Variants in PLXNA4 observed in about 807,000 individuals in gnomAD.
The protein encoded by PLXNA4 is plexin A4.
A neutral mutation model predicts 191.8 loss-of-function variants in PLXNA4; 44 were observed. That is an observed-to-expected ratio of 0.23 (90% CI 0.18 to 0.29). The LOEUF is 0.29. Among genes scored for constraint, PLXNA4 ranks in the 10% least tolerant of loss-of-function variants. The pLI is 1.00. For missense variants in PLXNA4, 1,800 were observed against 2,488.8 expected (o/e 0.72, Z 5.89); for synonymous variants, 1,082 against 1,009.5 (o/e 1.07, Z -1.36).
chr7:132,333,106 C>T lies in PLXNA4; in HGVS notation c.1372-34884G>A, dbSNP rs77775150. 1.6e-3 allele frequency among the ~76,000 whole-genome samples: 248 copies of T among 152,314 alleles called. 2 individuals carry two copies. Among genetic ancestry groups the T allele is most frequent in the African/African-American group, 5.9e-3 (245 of 41,558 alleles). On this transcript the variant is annotated intron_variant, in intron 3 of 31. Coordinates refer to ENST00000321063, the MANE Select transcript of PLXNA4 (RefSeq NM_020911.2). The stretch of plus-strand genomic sequence containing the variant: ...TAAAAGTCACTGGGTGAGATGCACT[C>T]CAAAGGACATTCCTGGTTTCTGATG...
chr7:132,457,525 G>A (rs1284859264), intron 3 of PLXNA4, among the ~76,000 whole-genome samples: 2 of 152,310 alleles, frequency 1.3e-5, no homozygotes, highest in South Asian at 4.1e-4. Context: ...GGATGACATG[G>A]TGAAAGTGGA....
chr7:132,224,430 G>A (rs951576750), intron 8 of PLXNA4, among the ~76,000 whole-genome samples: 2 of 152,012 alleles, frequency 1.3e-5, no homozygotes, highest in Non-Finnish European at 2.9e-5. Context: ...GACATCTCTC[G>A]GACAGTCCTG....
At chr7:132,426,817 C>A (rs887320143) in intron 3 of PLXNA4, among the ~76,000 whole-genome samples, 1 of 152,164 alleles carries the variant, frequency 6.6e-6, no homozygotes. Context: ...CAACATTACT[C>A]AATAAATTCA....
intron 3 of PLXNA4, among the ~76,000 whole-genome samples, chr7:132,361,670 G>A (rs1407724942): frequency 6.6e-6 from 1 of 152,196 alleles, no homozygotes; most frequent in African/African-American, 2.4e-5. Context: ...CCAGAAATTT[G>A]TTTAACAGAA....
intron 1 of PLXNA4, among the ~76,000 whole-genome samples, chr7:132,529,157 C>A (rs904154233): frequency 4.6e-5 from 7 of 152,326 alleles, no homozygotes; most frequent in African/African-American, 1.7e-4. Flanking sequence ...TCCATAATAA[C>A]CCCACCCTGG....
intron 9 of PLXNA4, among the ~76,000 whole-genome samples, chr7:132,216,423 AG>A (rs984615605): frequency 3.0e-4 from 45 of 152,138 alleles, no homozygotes; most frequent in Admixed American, 1.3e-3. Flanking sequence ...GGCATGGGGG[AG>A]GTGGGCCTCC....
At chr7:132,165,089 G>C in intron 23 of PLXNA4, 45 bp downstream of exon 23, 1 of 1,599,838 alleles carries the variant, frequency 6.3e-7, no homozygotes, top group Non-Finnish European at 8.5e-7. Context: ...AGGCTGCAGA[G>C]AATGAACGAG....
At chr7:132,175,935 A>T (rs925448087) in intron 20 of PLXNA4, among the ~76,000 whole-genome samples, 12 of 152,224 alleles carry the variant, frequency 7.9e-5, no homozygotes, top group African/African-American at 2.9e-4. Flanking sequence ...AATAGGGAGA[A>T]AATATTTTGT....
intron 28 of PLXNA4, among the ~76,000 whole-genome samples, 155 bp downstream of exon 28, chr7:132,146,355 G>A (rs548893721): frequency 5.3e-4 from 80 of 152,226 alleles, no homozygotes; most frequent in African/African-American, 1.8e-3. Flanking sequence ...TCTGAGGTTC[G>A]GTACGGGGAA....
chr7:132,258,627 G>T (rs1005477305), intron 4 of PLXNA4, among the ~76,000 whole-genome samples: 2 of 152,154 alleles, frequency 1.3e-5, no homozygotes, highest in Non-Finnish European at 2.9e-5. Context: ...GTGACCCTGT[G>T]ACACTCATGT....
At chr7:132,181,803 C>T (rs1038173499) in intron 17 of PLXNA4, among the ~76,000 whole-genome samples, 183 bp from the exon 18 acceptor site, 9 of 152,172 alleles carry the variant, frequency 5.9e-5, no homozygotes, top group Admixed American at 2.6e-4. Context: ...CACCCAGCTC[C>T]GGTTTTGCCC....
intron 1 of PLXNA4, among the ~76,000 whole-genome samples, chr7:132,546,145 C>G (rs1389365794): frequency 2.0e-5 from 3 of 152,204 alleles, no homozygotes; most frequent in Non-Finnish European, 4.4e-5. Context: ...ATCTTTGTCT[C>G]TAGCTAGAGC....
At chr7:132,444,288 CTT>C (rs1443225074) in intron 3 of PLXNA4, among the ~76,000 whole-genome samples, 3 of 152,254 alleles carry the variant, frequency 2.0e-5, no homozygotes, top group African/African-American at 7.2e-5. Context: ...AAGTCTCTCT[CTT>C]GTCTCCCAGG....
chr7:132,539,325 A>C (rs926714935), intron 1 of PLXNA4, among the ~76,000 whole-genome samples: 1 of 152,164 alleles, frequency 6.6e-6, no homozygotes, highest in African/African-American at 2.4e-5. Context: ...GTCTTCCCAG[A>C]GCTCACAATA....
chr7:132,298,374 T>G, intron 3 of PLXNA4, 152 bp from the exon 4 acceptor site: 1 of 1,075,838 alleles, frequency 9.3e-7, no homozygotes, highest in Non-Finnish European at 1.3e-6. Flanking sequence ...TGGAGTGACA[T>G]AAGCTCACCA....
chr7:132,409,286 T>C (rs904623111), intron 3 of PLXNA4, among the ~76,000 whole-genome samples: 2 of 152,138 alleles, frequency 1.3e-5, no homozygotes, highest in African/African-American at 4.8e-5. Context: ...CTGCAGTAGA[T>C]GGCTTGGTGG....
chr7:132,168,884 G>A (rs763852172), intron 21 of PLXNA4, among the ~76,000 whole-genome samples: 1 of 152,210 alleles, frequency 6.6e-6, no homozygotes, highest in African/African-American at 2.4e-5. Context: ...GAGTTGATGA[G>A]GGCCCCTGTG....
intron 1 of PLXNA4, among the ~76,000 whole-genome samples, chr7:132,647,003 A>G (rs1169958512): frequency 6.6e-6 from 1 of 151,988 alleles, no homozygotes; most frequent in Non-Finnish European, 1.5e-5. Context: ...ACACACATAC[A>G]CTCACACATA....
At chr7:132,191,926 T>G (rs1325138958) in intron 14 of PLXNA4, among the ~76,000 whole-genome samples, 1 of 152,088 alleles carries the variant, frequency 6.6e-6, no homozygotes, top group Non-Finnish European at 1.5e-5. Context: ...GGGTTCACCT[T>G]GGAAATTCCC....
Sources: gnomAD v4.1 joint callset for allele counts (sites outside exome capture counted in the v4.1 genomes callset) on GRCh38, gnomAD v4.1.1 for gene constraint, MANE v1.5 for transcripts, NCBI Gene and HGNC (gene_info 2026-07-23, HGNC 2026-07-21) for gene names.